Variants in ATP1B3 observed in about 807,000 individuals in gnomAD.
The protein encoded by ATP1B3 is sodium/potassium-transporting ATPase subunit beta-3.
Under a neutral mutation model 30.2 loss-of-function variants are expected in ATP1B3, and 10 were observed. That is an observed-to-expected ratio of 0.33 (90% CI 0.20 to 0.56). ATP1B3 has a LOEUF of 0.56. Ranked by LOEUF, ATP1B3 falls within the 20% of genes least tolerant of loss-of-function variation. The pLI is 0.90. For synonymous variants in ATP1B3, 113 were observed against 117.0 expected, an observed-to-expected ratio of 0.97 and a Z score of 0.22; for missense variants, 238 against 336.7, an observed-to-expected ratio of 0.71 and a Z score of 2.29.
chr3:141,903,481 G>A, intron 1 of ATP1B3, 139 bp from the exon 2 acceptor site: 1 of 1,260,138 alleles, frequency 7.9e-7, no homozygotes, highest in Non-Finnish European at 1.1e-6. Context: ...TCCTGAATAT[G>A]AGGATATTTG....
At chr3:141,889,378 A>G (rs1389645532) in intron 1 of ATP1B3, among the ~76,000 whole-genome samples, 1 of 152,124 alleles carries the variant, frequency 6.6e-6, no homozygotes. Context: ...GCAACTTTTT[A>G]TCTAGGATAA....
chr3:141,905,072 C>G (rs1295921523), intron 2 of ATP1B3, among the ~76,000 whole-genome samples: 1 of 152,058 alleles, frequency 6.6e-6, no homozygotes, highest in African/African-American at 2.4e-5. Flanking sequence ...TCCTCAGATG[C>G]TGATAATTAG....
intron 3 of ATP1B3, among the ~76,000 whole-genome samples, chr3:141,910,045 C>A (rs1230692552): frequency 1.3e-5 from 2 of 152,322 alleles, no homozygotes; most frequent in Admixed American, 1.3e-4. Context: ...AATCACAGCT[C>A]ACTGCAGCCT....
chr3:141,895,756 A>G (rs1262213319), intron 1 of ATP1B3, among the ~76,000 whole-genome samples: 1 of 152,190 alleles, frequency 6.6e-6, no homozygotes, highest in Non-Finnish European at 1.5e-5. Flanking sequence ...GTAGGTGTGC[A>G]TGTTGCTAAC....
intron 3 of ATP1B3, among the ~76,000 whole-genome samples, chr3:141,911,161 C>T (rs774893458): frequency 3.3e-4 from 50 of 151,764 alleles, no homozygotes; most frequent in Non-Finnish European, 6.0e-4. Flanking sequence ...TTGATAATTT[C>T]CTCAACTCAA....
At chr3:141,882,651 T>C (rs1933750885) in intron 1 of ATP1B3, among the ~76,000 whole-genome samples, 4 of 152,222 alleles carry the variant, frequency 2.6e-5, no homozygotes, top group Admixed American at 2.0e-4. Context: ...TGGTGCGATA[T>C]CGGCTCACCG....
chr3:141,876,753 C>T lies in ATP1B3; in HGVS notation c.-49C>T, dbSNP rs1266943259. 8 of 1,480,270 alleles carry T rather than the reference C, an allele frequency of 5.4e-6. No homozygotes were observed. In the East Asian group the frequency reaches 1.0e-4, roughly 19 times the overall value. The allele number at this position is 1,480,270 out of a possible 1,614,324, so 91.7% of individuals were successfully genotyped here. A position where few individuals can be genotyped will look rare whatever the true frequency, so the allele number is the denominator to read the frequency against. On this transcript the variant is annotated 5_prime_UTR_variant, in exon 1 of 7. Transcript: ENST00000286371. Reference sequence around the variant, plus strand: ...CGGGACGCGCCTCCGCAGCCCTCGCCGCCTCCATCCCCGCGGCCGCAGCTC... The same window carrying T: ...CGGGACGCGCCTCCGCAGCCCTCGCTGCCTCCATCCCCGCGGCCGCAGCTC...
chr3:141,888,538 A>C (rs1024966225), intron 1 of ATP1B3, among the ~76,000 whole-genome samples: 1 of 152,024 alleles, frequency 6.6e-6, no homozygotes, highest in Non-Finnish European at 1.5e-5. Flanking sequence ...GTATTCGTCT[A>C]TTTTCACACT....
At chr3:141,894,826 A>G (rs1262312221) in intron 1 of ATP1B3, among the ~76,000 whole-genome samples, 2 of 152,240 alleles carry the variant, frequency 1.3e-5, no homozygotes, top group Non-Finnish European at 2.9e-5. Context: ...ATAAAATAAC[A>G]ACAAAAAGTA....
chr3:141,917,107 C>T (rs946074720), intron 5 of ATP1B3, among the ~76,000 whole-genome samples: 8 of 151,350 alleles, frequency 5.3e-5, no homozygotes, highest in African/African-American at 1.9e-4. Flanking sequence ...CCCGCCTCGG[C>T]CTCTCAAAGT....
chr3:141,894,247 C>T (rs1021864402), intron 1 of ATP1B3, among the ~76,000 whole-genome samples: 3 of 152,142 alleles, frequency 2.0e-5, no homozygotes, highest in Admixed American at 2.0e-4. Flanking sequence ...TTTATAAACA[C>T]TGTACACTTA....
In ATP1B3 at chr3:141,877,205, G is replaced by C. The variant is rs927838095; in HGVS notation, c.109+295G>C. Among the ~76,000 whole-genome samples the C allele has an allele frequency of 3.3e-5, 5 of 151,800 alleles. 1 individual carries two copies. The highest frequency in any genetic ancestry group is 3.4e-3 in the Middle Eastern group (1 of 290). Reference sequence around the variant, plus strand: ...CACGTGCTGCCCGGGCCTCCCGCCCGGCGCGGCGCCGGAAGCCGGGGACCC... The same window carrying C: ...CACGTGCTGCCCGGGCCTCCCGCCCCGCGCGGCGCCGGAAGCCGGGGACCC... On this transcript the variant is annotated intron_variant, in intron 1 of 6. Transcript: ENST00000286371.
At position 141,887,087 on chromosome 3, in the gene ATP1B3, A is replaced by G. The variant is rs1933848996; in HGVS notation, c.109+10177A>G. Among the ~76,000 whole-genome samples the G allele has an allele frequency of 2.0e-5, 3 of 152,246 alleles. No homozygotes were observed. The South Asian group carries it at 6.2e-4, about 31-fold the overall frequency. On this transcript the variant is annotated intron_variant, in intron 1 of 6. Transcript: ENST00000286371. ...CAAAGCCTACCTATATAAATGCTTTAGAATGGGAGGCAGCAAGATTCAAAG... is the reference window on the plus strand; with the variant it reads ...CAAAGCCTACCTATATAAATGCTTTGGAATGGGAGGCAGCAAGATTCAAAG...
chr3:141,887,937 G>C (rs901300685), intron 1 of ATP1B3, among the ~76,000 whole-genome samples: 2 of 152,214 alleles, frequency 1.3e-5, no homozygotes, highest in Non-Finnish European at 2.9e-5. Flanking sequence ...GGACGTGACG[G>C]AACTTTCAGG....
intron 1 of ATP1B3, among the ~76,000 whole-genome samples, chr3:141,899,593 G>A (rs1934124325): frequency 6.6e-6 from 1 of 152,218 alleles, no homozygotes; most frequent in South Asian, 2.1e-4. Flanking sequence ...TTGTTGGCTG[G>A]ATGCAGTGGC....
intron 6 of ATP1B3, chr3:141,922,289 A>T (rs1934576345): frequency 2.8e-6 from 1 of 359,270 alleles, no homozygotes; most frequent in South Asian, 3.5e-5. Flanking sequence ...TTATTTCTAA[A>T]ATATCATTTT....
chr3:141,883,679 A>G (rs1933777824), intron 1 of ATP1B3, among the ~76,000 whole-genome samples: 1 of 152,220 alleles, frequency 6.6e-6, no homozygotes, highest in Non-Finnish European at 1.5e-5. Context: ...CTTGCTAGGA[A>G]TGTAATACAA....
chr3:141,916,129 C>T (rs1341147912), intron 5 of ATP1B3, 109 bp downstream of exon 5: 3 of 880,862 alleles, frequency 3.4e-6, no homozygotes, highest in Non-Finnish European at 5.3e-6. Flanking sequence ...ATTTTAAAGT[C>T]CTTTGTAGTG....
chr3:141,907,341 C>G (rs1020004326), intron 3 of ATP1B3, 67 bp downstream of exon 3: 2 of 1,352,080 alleles, frequency 1.5e-6, no homozygotes, highest in Non-Finnish European at 1.0e-6. Context: ...AATTGTGGGC[C>G]GGGCACGGTA....
Sources: allele counts gnomAD v4.1 joint callset (sites outside exome capture counted in the v4.1 genomes callset), GRCh38; gene constraint gnomAD v4.1.1; transcripts MANE v1.5; gene names NCBI Gene and HGNC (gene_info 2026-07-23, HGNC 2026-07-21).